GALNT13: variants seen among roughly 807,000 people sequenced by gnomAD.
The protein encoded by GALNT13 is UDP-GalNAc:polypeptide N-acetylgalactosaminyltransferase 13.
Under a neutral mutation model 64.2 loss-of-function variants are expected in GALNT13, and 28 were observed. The observed-to-expected ratio is 0.44, with a 90% CI of 0.32 to 0.60. The LOEUF is 0.60. Among genes scored for constraint, GALNT13 ranks in the 20% least tolerant of loss-of-function variants. The probability of loss-of-function intolerance (pLI) is 0.05; values close to 1 mark genes in which losing one functional copy is unlikely to be tolerated. For missense variants in GALNT13, 577 were observed against 669.8 expected (o/e 0.86, Z 1.53); for synonymous variants, 214 against 224.6 (o/e 0.95, Z 0.42).
intron 9 of GALNT13, among the ~76,000 whole-genome samples, chr2:154,303,164 T>C (rs1304111186): frequency 1.3e-5 from 2 of 150,736 alleles, no homozygotes; most frequent in South Asian, 2.1e-4. Context: ...GGAGTGGAGG[T>C]TAAATAGGCA....
chr2:154,438,509 A>T (rs1701110368), intron 11 of GALNT13, 83 bp from the exon 12 acceptor site: 1 of 963,592 alleles, frequency 1.0e-6, no homozygotes, highest in African/African-American at 1.6e-5. Flanking sequence ...TTTATCTGAT[A>T]CGAAAGCTTC....
chr2:154,346,188 T>A (rs1384899627), intron 9 of GALNT13, among the ~76,000 whole-genome samples: 1 of 152,092 alleles, frequency 6.6e-6, no homozygotes, highest in Non-Finnish European at 1.5e-5. Flanking sequence ...ATATGTCTTT[T>A]ACAGAATTAT....
intron 3 of GALNT13, among the ~76,000 whole-genome samples, chr2:154,137,715 C>G (rs527256469): frequency 6.6e-6 from 1 of 151,986 alleles, no homozygotes; most frequent in Admixed American, 6.6e-5. Flanking sequence ...TTCCACAGAG[C>G]GAAATTTTAA....
At chr2:153,696,814 A>T in the GALNT13 span, among the ~76,000 whole-genome samples, 3 of 152,150 alleles carry the variant, frequency 2.0e-5, no homozygotes, top group Non-Finnish European at 4.4e-5. Context: ...GAACTATGCT[A>T]CTTTTTCTTT....
chr2:153,509,362 C>G, the GALNT13 span, among the ~76,000 whole-genome samples: 1 of 152,222 alleles, frequency 6.6e-6, no homozygotes, highest in Non-Finnish European at 1.5e-5. Context: ...CCACGGAGTG[C>G]GCAGACCTGG....
At chr2:153,074,588 C>G in the GALNT13 span, among the ~76,000 whole-genome samples, 1 of 152,100 alleles carries the variant, frequency 6.6e-6, no homozygotes, top group Admixed American at 6.5e-5. Flanking sequence ...TACAATGTTA[C>G]CATGGCTACA....
the GALNT13 span, among the ~76,000 whole-genome samples, chr2:153,501,844 A>C: frequency 6.6e-6 from 1 of 152,216 alleles, no homozygotes; most frequent in Non-Finnish European, 1.5e-5. Flanking sequence ...CTTTTAATTA[A>C]GCTGGCTTTT....
intron 3 of GALNT13, among the ~76,000 whole-genome samples, chr2:154,033,117 A>C (rs1347119953): frequency 2.0e-5 from 3 of 151,966 alleles, no homozygotes; most frequent in African/African-American, 4.8e-5. Flanking sequence ...TGCAGAAAGC[A>C]ATTAGAGATC....
the GALNT13 span, among the ~76,000 whole-genome samples, chr2:153,772,911 G>C: frequency 6.6e-6 from 1 of 152,298 alleles, no homozygotes; most frequent in Non-Finnish European, 1.5e-5. Flanking sequence ...CCCCTGCTCT[G>C]ATTTTAGGTG....
At chr2:153,697,412 TC>T in the GALNT13 span, among the ~76,000 whole-genome samples, 2 of 152,150 alleles carry the variant, frequency 1.3e-5, no homozygotes, top group Admixed American at 1.3e-4. Flanking sequence ...ATAAGTGACA[TC>T]CCTTTTTGTT....
chr2:153,359,244 C>G, the GALNT13 span, among the ~76,000 whole-genome samples: 10 of 152,092 alleles, frequency 6.6e-5, 1 homozygote, highest in Non-Finnish European at 1.3e-4. Flanking sequence ...TATGCTTTTG[C>G]AACTTTAATG....
chr2:153,527,071 A>G, the GALNT13 span, among the ~76,000 whole-genome samples: 1 of 152,162 alleles, frequency 6.6e-6, no homozygotes, highest in Non-Finnish European at 1.5e-5. Flanking sequence ...TAGCAAATCT[A>G]AGAGTTATTG....
At chr2:153,524,427 C>A in the GALNT13 span, among the ~76,000 whole-genome samples, 1 of 151,596 alleles carries the variant, frequency 6.6e-6, no homozygotes, top group Non-Finnish European at 1.5e-5. Flanking sequence ...ACAAAGAACA[C>A]CTCTATAAGA....
intron 12 of GALNT13, among the ~76,000 whole-genome samples, chr2:154,449,108 G>A (rs1211041082): frequency 6.6e-6 from 1 of 151,606 alleles, no homozygotes; most frequent in African/African-American, 2.4e-5. Context: ...GCCTATCTTT[G>A]GCCATTTATT....
intron 10 of GALNT13, among the ~76,000 whole-genome samples, chr2:154,399,160 A>T (rs799740): frequency 2.0e-5 from 3 of 152,024 alleles, no homozygotes. Context: ...GCAGGTGCCC[A>T]TGGTCACAGC....
At chr2:153,176,296 G>A in the GALNT13 span, among the ~76,000 whole-genome samples, 4 of 152,112 alleles carry the variant, frequency 2.6e-5, no homozygotes, top group African/African-American at 9.7e-5. Context: ...GGGATATGCT[G>A]TGAGGTTTCC....
chr2:153,673,604 T>C, the GALNT13 span, among the ~76,000 whole-genome samples: 1 of 152,194 alleles, frequency 6.6e-6, no homozygotes, highest in Non-Finnish European at 1.5e-5. Flanking sequence ...AATATCATAC[T>C]GAATGGGCAA....
At chr2:153,962,053 T>C (rs995345110) in intron 3 of GALNT13, among the ~76,000 whole-genome samples, 31 of 152,188 alleles carry the variant, frequency 2.0e-4, no homozygotes, top group African/African-American at 7.5e-4. Context: ...GTAACTTCAT[T>C]ATCATGGCCC....
chr2:153,763,756 T>C, the GALNT13 span, among the ~76,000 whole-genome samples: 5 of 152,218 alleles, frequency 3.3e-5, no homozygotes, highest in Admixed American at 3.3e-4. Context: ...GACTTTGGAA[T>C]TGGGTAACAG....
Sources: gnomAD v4.1 joint callset for allele counts (sites outside exome capture counted in the v4.1 genomes callset) on GRCh38, gnomAD v4.1.1 for gene constraint, MANE v1.5 for transcripts, NCBI Gene and HGNC (gene_info 2026-07-23, HGNC 2026-07-21) for gene names.